Variants in TFDP2 observed in about 807,000 individuals in gnomAD.
TFDP2 encodes transcription factor Dp-2 (E2F dimerization partner 2).
Under a neutral mutation model 59.3 loss-of-function variants are expected in TFDP2, and 17 were observed. That is an observed-to-expected ratio of 0.29 (90% CI 0.20 to 0.43). The LOEUF (loss-of-function observed/expected upper bound fraction) is 0.43. Ranked by LOEUF, TFDP2 falls within the 20% of genes least tolerant of loss-of-function variation. TFDP2 has a pLI of 1.00. For synonymous variants in TFDP2, 180 were observed against 194.7 expected, an observed-to-expected ratio of 0.92 and a Z score of 0.63; for missense variants, 391 against 528.8, an observed-to-expected ratio of 0.74 and a Z score of 2.56.
chr3:141,969,130 C>T lies in TFDP2; in HGVS notation c.732+943G>A, dbSNP rs1409842488. On this transcript the variant is annotated intron_variant, in intron 9 of 12. Coordinates refer to ENST00000489671, the MANE Select transcript of TFDP2 (RefSeq NM_001178139.2). ...TCATATATATGAGATATATATATAA[C>T]ATATATATCCCATATATATGAGATA... 1.2e-3 allele frequency among the ~76,000 whole-genome samples: 55 copies of T among 46,270 alleles called. 7 individuals are homozygous for T. The highest frequency in any genetic ancestry group is 1.6e-3 in the Non-Finnish European group (45 of 28,556). 30.4% of individuals were successfully genotyped at this position (46,270 alleles called of 152,430 possible). A position where few individuals can be genotyped will look rare whatever the true frequency, so the allele number is the denominator to read the frequency against.
At chr3:142,041,710 A>G (rs944520797) in intron 3 of TFDP2, among the ~76,000 whole-genome samples, 30 of 152,362 alleles carry the variant, frequency 2.0e-4, no homozygotes, top group African/African-American at 7.2e-4. Context: ...TCTTTCATGA[A>G]TCATGCTTTT....
At chr3:142,042,854 C>T (rs1211970103) in intron 3 of TFDP2, among the ~76,000 whole-genome samples, 10 of 149,678 alleles carry the variant, frequency 6.7e-5, no homozygotes, top group African/African-American at 2.5e-4. Flanking sequence ...ATTCTCCTGC[C>T]GCAGCCTCCC....
At position 142,055,024 on chromosome 3, in the gene TFDP2, T is replaced by G. The variant is rs181621496; in HGVS notation, c.82+38037A>C. Reference sequence around the variant, plus strand: ...TTCTGATCCAGATTTTAAGCAGATATTGGATATTGGAAAAGTCATCACAGA... The same window carrying G: ...TTCTGATCCAGATTTTAAGCAGATAGTGGATATTGGAAAAGTCATCACAGA... On this transcript the variant is annotated intron_variant, in intron 3 of 12. Coordinates refer to ENST00000489671, the MANE Select transcript of TFDP2 (RefSeq NM_001178139.2). Among the ~76,000 whole-genome samples the G allele has an allele frequency of 1.3e-3, 203 of 152,294 alleles. 1 individual carries two copies. The highest frequency in any genetic ancestry group is 4.4e-3 in the African/African-American group (184 of 41,562).
chr3:141,991,283 AGTATT>A (rs1942734741), intron 6 of TFDP2, among the ~76,000 whole-genome samples: 1 of 152,230 alleles, frequency 6.6e-6, no homozygotes, highest in African/African-American at 2.4e-5. Context: ...TTAAATGTAT[AGTATT>A]GTATCTCAAG....
At chr3:141,980,024 T>G (rs1003689088) in intron 6 of TFDP2, among the ~76,000 whole-genome samples, 1 of 151,580 alleles carries the variant, frequency 6.6e-6, no homozygotes, top group African/African-American at 2.4e-5. Flanking sequence ...TCCTTCCACC[T>G]CAGCCTTCCA....
chr3:141,970,268 T>A, intron 8 of TFDP2, 127 bp from the exon 9 acceptor site: 1 of 793,022 alleles, frequency 1.3e-6, no homozygotes, highest in Non-Finnish European at 2.1e-6. Context: ...ACAATATGAA[T>A]AAAGACAAAT....
intron 3 of TFDP2, among the ~76,000 whole-genome samples, chr3:142,063,879 A>G (rs2059994086): frequency 6.6e-6 from 1 of 152,168 alleles, no homozygotes; most frequent in Non-Finnish European, 1.5e-5. Context: ...TAGGCAGGAA[A>G]ATCAGGCTGA....
At chr3:141,969,809 G>T (rs1017371541) in intron 9 of TFDP2, among the ~76,000 whole-genome samples, 11 of 152,168 alleles carry the variant, frequency 7.2e-5, no homozygotes, top group African/African-American at 2.7e-4. Flanking sequence ...GTTTAGAGAG[G>T]CCTGAGTGTC....
At chr3:142,032,403 T>C (rs1946475111) in intron 3 of TFDP2, among the ~76,000 whole-genome samples, 1 of 152,104 alleles carries the variant, frequency 6.6e-6, no homozygotes, top group Non-Finnish European at 1.5e-5. Context: ...CTCGACTCTT[T>C]CAATATGCAC....
chr3:141,998,478 G>T (rs1255037275), intron 4 of TFDP2, among the ~76,000 whole-genome samples: 1 of 152,076 alleles, frequency 6.6e-6, no homozygotes, highest in Non-Finnish European at 1.5e-5. Flanking sequence ...TCAGCTGGGT[G>T]TTGTGGTGCA....
intron 3 of TFDP2, among the ~76,000 whole-genome samples, chr3:142,016,302 A>ATT (rs34147232): frequency 7.5e-6 from 1 of 133,352 alleles, no homozygotes; most frequent in Non-Finnish European, 1.6e-5. Flanking sequence ...GCCCAGCAAC[A>ATT]TTTTTTTTTT....
At chr3:142,136,896 T>G (rs1336188082) in intron 1 of TFDP2, among the ~76,000 whole-genome samples, 3 of 152,050 alleles carry the variant, frequency 2.0e-5, no homozygotes, top group Non-Finnish European at 2.9e-5. Context: ...CCATATGAAC[T>G]TTTAAGTAGT....
chr3:141,973,331 G>A lies in TFDP2; in HGVS notation c.663+717C>T, dbSNP rs775995075. ...GTTTTACCATTTTGACACCCACCTC[G>A]GCCTCCCAAAGTGCTGGGATTACAG... On this transcript the variant is annotated intron_variant, in intron 8 of 12. Coordinates refer to ENST00000489671, the MANE Select transcript of TFDP2 (RefSeq NM_001178139.2). 5.3e-5 allele frequency among the ~76,000 whole-genome samples: 8 copies of A among 151,478 alleles called. No homozygotes were observed. In the East Asian group the frequency reaches 5.8e-4, roughly 11 times the overall value.
chr3:142,019,649 C>A (rs993356357), intron 3 of TFDP2, among the ~76,000 whole-genome samples: 1 of 147,652 alleles, frequency 6.8e-6, no homozygotes, highest in African/African-American at 2.5e-5. Flanking sequence ...TATTAAACAC[C>A]CCCCCCAACA....
intron 1 of TFDP2, among the ~76,000 whole-genome samples, chr3:142,112,656 G>A (rs2061700095): frequency 6.6e-6 from 1 of 152,138 alleles, no homozygotes; most frequent in Admixed American, 6.5e-5. Flanking sequence ...AATTCACTGA[G>A]GTAGAATTCT....
chr3:141,973,722 T>C (rs1424598487), intron 8 of TFDP2, among the ~76,000 whole-genome samples: 2 of 147,842 alleles, frequency 1.4e-5, no homozygotes, highest in African/African-American at 5.0e-5. Context: ...AGCAAGCATC[T>C]CATCAAATAA....
chr3:142,045,740 G>A (rs966127299), intron 3 of TFDP2, among the ~76,000 whole-genome samples: 1 of 150,976 alleles, frequency 6.6e-6, no homozygotes, highest in African/African-American at 2.4e-5. Context: ...AGCCTCCCAA[G>A]TAGCTGGGAC....
At chr3:141,980,389 T>C (rs1339807996) in intron 6 of TFDP2, among the ~76,000 whole-genome samples, 1 of 152,144 alleles carries the variant, frequency 6.6e-6, no homozygotes, top group Non-Finnish European at 1.5e-5. Context: ...CTTTATTGTT[T>C]CTTTGTATTA....
At chr3:142,118,273 G>T (rs1287838537) in intron 1 of TFDP2, among the ~76,000 whole-genome samples, 1 of 152,060 alleles carries the variant, frequency 6.6e-6, no homozygotes, top group African/African-American at 2.4e-5. Context: ...TCTCAAATTA[G>T]GAACTCTGTC....
Sources: gnomAD v4.1 joint callset for allele counts (sites outside exome capture counted in the v4.1 genomes callset) on GRCh38, gnomAD v4.1.1 for gene constraint, MANE v1.5 for transcripts, NCBI Gene and HGNC (gene_info 2026-07-23, HGNC 2026-07-21) for gene names.